ATP10D: variants seen among roughly 807,000 people sequenced by gnomAD.
ATP10D encodes ATPase phospholipid transporting 10D (putative).
Under a neutral mutation model 144.8 loss-of-function variants are expected in ATP10D, and 89 were observed. The ratio of observed to expected loss-of-function variants is 0.61; its 90% confidence interval spans 0.52 to 0.73. The LOEUF is 0.73. ATP10D is among the 30% of genes least tolerant of loss of function. The pLI, the probability that ATP10D is intolerant of heterozygous loss-of-function variation, is 0.00. For missense variants in ATP10D, 1,603 were observed against 1,714.8 expected, an observed-to-expected ratio of 0.93 and a Z score of 1.15; for synonymous variants, 571 against 615.1, an observed-to-expected ratio of 0.93 and a Z score of 1.06.
intron 21 of ATP10D, among the ~76,000 whole-genome samples, chr4:47,582,553 C>T (rs1720572816): frequency 6.6e-6 from 1 of 152,012 alleles, no homozygotes; most frequent in South Asian, 2.1e-4. Flanking sequence ...TGATGCTGTA[C>T]TTCTCTCTTC....
At chr4:47,577,974 T>C (rs147179474) in intron 19 of ATP10D, among the ~76,000 whole-genome samples, 1 of 152,178 alleles carries the variant, frequency 6.6e-6, no homozygotes, top group African/African-American at 2.4e-5. Flanking sequence ...AGTCAAAGTT[T>C]TTATAGCCTG....
chr4:47,535,376 G>C (rs1223669137), intron 5 of ATP10D, 133 bp from the exon 6 acceptor site: 1 of 636,214 alleles, frequency 1.6e-6, no homozygotes, highest in East Asian at 3.1e-5. Context: ...AAGTAAATGG[G>C]CCAGAGATTT....
intron 1 of ATP10D, among the ~76,000 whole-genome samples, chr4:47,488,246 T>C (rs6447556): frequency 0.98 from 149,517 of 152,042 alleles, 73,569 homozygotes; most frequent in East Asian, 1. Flanking sequence ...CAATGTATTC[T>C]GTAAAAAAGT....
At chr4:47,502,039 ATGAG>A (rs1335240030) in intron 1 of ATP10D, among the ~76,000 whole-genome samples, 1 of 152,210 alleles carries the variant, frequency 6.6e-6, no homozygotes, top group Non-Finnish European at 1.5e-5. Flanking sequence ...CTCACCATAA[ATGAG>A]TAAGATTTCT....
At chr4:47,581,892 G>C in intron 20 of ATP10D, 68 bp from the exon 21 acceptor site, 1 of 1,259,116 alleles carries the variant, frequency 7.9e-7, no homozygotes, top group Non-Finnish European at 1.2e-6. Flanking sequence ...TTGAGCTGTA[G>C]ATAAAGTGAT....
intron 15 of ATP10D, among the ~76,000 whole-genome samples, chr4:47,564,635 A>G (rs2109455611): frequency 6.6e-6 from 1 of 152,244 alleles, no homozygotes; most frequent in Middle Eastern, 3.4e-3. Context: ...TTTAAAAAAG[A>G]AGGAAATTTA....
intron 4 of ATP10D, among the ~76,000 whole-genome samples, chr4:47,524,010 A>ACCGCC (rs1717106766): frequency 6.6e-6 from 1 of 152,098 alleles, no homozygotes; most frequent in South Asian, 2.1e-4. Context: ...CACTGCAACC[A>ACCGCC]CCGCCTCCTG....
Position 47,486,624 on chromosome 4 carries a change from C to G in ATP10D, c.-38+1105C>G, listed in dbSNP as rs575203720. On this transcript the variant is annotated intron_variant, in intron 1 of 22. Coordinates refer to ENST00000273859, the MANE Select transcript of ATP10D (RefSeq NM_020453.4). ...TGCCCGCAGCAAGAACCTCCCACTC[C>G]GATCCACCTCAAAAAGTAATAACTG... Among the ~76,000 whole-genome samples, 20 of 152,336 alleles carry G rather than the reference C, an allele frequency of 1.3e-4. No homozygotes were observed. The East Asian group carries it at 3.7e-3, about 28-fold the overall frequency.
At chr4:47,489,820 C>A (rs1196076261) in intron 1 of ATP10D, among the ~76,000 whole-genome samples, 1 of 152,166 alleles carries the variant, frequency 6.6e-6, no homozygotes, top group Non-Finnish European at 1.5e-5. Context: ...CAGATTTGAG[C>A]TTTACTTCCC....
intron 1 of ATP10D, among the ~76,000 whole-genome samples, chr4:47,490,770 A>G (rs531972585): frequency 6.6e-6 from 1 of 152,350 alleles, no homozygotes; most frequent in African/African-American, 2.4e-5. Flanking sequence ...CTGTTGTCAC[A>G]GATGTGTGCT....
At position 47,532,154 on chromosome 4, in the gene ATP10D, T is replaced by C. The variant is rs998468103; in HGVS notation, c.777-3355T>C. Among the ~76,000 whole-genome samples the C allele has an allele frequency of 1.6e-4, 24 of 152,302 alleles. No homozygotes were observed. The East Asian group carries it at 2.7e-3, about 17-fold the overall frequency. ...TTCTGGGAGTGGAGCCATGGCCTAC[T>C]TTTGTCAGCCTCTCTTTTCACCCTT... On this transcript the variant is annotated intron_variant, in intron 5 of 22. Transcript: ENST00000273859.
chr4:47,551,371 A>G (rs113593425), intron 10 of ATP10D, among the ~76,000 whole-genome samples: 19 of 152,228 alleles, frequency 1.2e-4, no homozygotes, highest in African/African-American at 4.6e-4. Context: ...TTTACATTAT[A>G]GGAAGCTGTC....
chr4:47,543,061 G>A (rs950831024), intron 9 of ATP10D, among the ~76,000 whole-genome samples: 1 of 152,040 alleles, frequency 6.6e-6, no homozygotes. Flanking sequence ...ATTACCTTTG[G>A]TATAGTAAAA....
chr4:47,567,886 A>C (rs1455465803), intron 15 of ATP10D, among the ~76,000 whole-genome samples: 1 of 152,248 alleles, frequency 6.6e-6, no homozygotes, highest in Admixed American at 6.5e-5. Flanking sequence ...AATCAAAGCA[A>C]ACAAGCTTTG....
rs1289496253 is a variant in ATP10D at position 47,523,291 on chromosome 4, C to T, written c.690+75C>T. On this transcript the variant is annotated intron_variant, in intron 4 of 22. Transcript: ENST00000273859. ...GATGACTGAGCTCATTTTCACATTA[C>T]AGATAAAGAGATTTTTAATTCATTT... 30 of 1,194,950 alleles carry T rather than the reference C, an allele frequency of 2.5e-5. No homozygotes were observed. In the South Asian group the frequency reaches 3.5e-4, roughly 14 times the overall value. The allele number at this position is 1,194,950 out of a possible 1,614,324, so 74.0% of individuals were successfully genotyped here.
At chr4:47,564,290 G>C (rs1271781860) in intron 15 of ATP10D, among the ~76,000 whole-genome samples, 1 of 151,890 alleles carries the variant, frequency 6.6e-6, no homozygotes, top group Non-Finnish European at 1.5e-5. Flanking sequence ...AAATTATAAT[G>C]ATTCAGAGGA....
chr4:47,514,008 G>T (rs1453761231), intron 2 of ATP10D, among the ~76,000 whole-genome samples: 2 of 152,194 alleles, frequency 1.3e-5, no homozygotes, highest in Non-Finnish European at 2.9e-5. Context: ...GAGTAAAAAA[G>T]ATGATGTGAA....
chr4:47,536,626 C>T, intron 8 of ATP10D, 60 bp from the exon 9 acceptor site: 1 of 1,601,344 alleles, frequency 6.2e-7, no homozygotes, highest in South Asian at 1.1e-5. Flanking sequence ...CAGCTATGTT[C>T]AGTTTCACAT....
chr4:47,547,115 G>T (rs1311224946), intron 10 of ATP10D: 3 of 482,584 alleles, frequency 6.2e-6, no homozygotes, highest in Non-Finnish European at 1.1e-5. Flanking sequence ...GAATATTTCT[G>T]GCCAGGGCTG....
Sources: allele counts gnomAD v4.1 joint callset (sites outside exome capture counted in the v4.1 genomes callset), GRCh38; gene constraint gnomAD v4.1.1; transcripts MANE v1.5; gene names NCBI Gene and HGNC (gene_info 2026-07-23, HGNC 2026-07-21).